The following SLC24A4 variants were observed in gnomAD, a reference collection of about 807,000 sequenced individuals.
SLC24A4 encodes the protein sodium/potassium/calcium exchanger 4.
A neutral mutation model predicts 79.0 loss-of-function variants in SLC24A4; 53 were observed. The observed-to-expected ratio is 0.67, with a 90% confidence interval of 0.54 to 0.84. The LOEUF (loss-of-function observed/expected upper bound fraction) is 0.84, where lower values mean the gene tolerates loss of function less well. Ranked by LOEUF, SLC24A4 falls within the 40% of genes least tolerant of loss-of-function variation. SLC24A4 has a pLI of 0.00. For synonymous variants in SLC24A4, 323 were observed against 323.8 expected, an observed-to-expected ratio of 1.00 and a Z score of 0.03; for missense variants, 731 against 822.0, an observed-to-expected ratio of 0.89 and a Z score of 1.35.
chr14:92,447,425 G>A lies in SLC24A4; in HGVS notation c.737+1G>A. ...ATGTGTTTTATATTCTGATCATGAAGTAAGTGCCCTTTCTCCTCCCCGGGG... is the reference window on the plus strand; with the variant it reads ...ATGTGTTTTATATTCTGATCATGAAATAAGTGCCCTTTCTCCTCCCCGGGG... On this transcript the variant is annotated splice_donor_variant, in intron 9 of 16. Coordinates refer to ENST00000532405, the MANE Select transcript of SLC24A4 (RefSeq NM_153646.4). LOFTEE classifies it high-confidence loss of function. 1 of 1,614,066 alleles carries A rather than the reference G, an allele frequency of 6.2e-7. No homozygotes were observed. Among genetic ancestry groups the A allele is most frequent in the Non-Finnish European group, 8.5e-7 (1 of 1,179,960 alleles).
intron 8 of SLC24A4, 84 bp downstream of exon 8, chr14:92,445,426 TA>T: frequency 7.1e-7 from 1 of 1,403,036 alleles, no homozygotes; most frequent in Non-Finnish European, 9.9e-7. Context: ...TGAATCGTTT[TA>T]AAAATTATTT....
intron 12 of SLC24A4, among the ~76,000 whole-genome samples, chr14:92,481,430 G>C (rs1895067472): frequency 6.6e-6 from 1 of 152,202 alleles, no homozygotes; most frequent in Non-Finnish European, 1.5e-5. Context: ...TTCACACTGG[G>C]TAAGCTCAGA....
chr14:92,471,104 T>C (rs914939474), intron 12 of SLC24A4, among the ~76,000 whole-genome samples: 13 of 152,254 alleles, frequency 8.5e-5, no homozygotes, highest in African/African-American at 3.1e-4. Flanking sequence ...TGACAGAGCC[T>C]TAAAGTCAAG....
chr14:92,434,106 A>T lies in SLC24A4; in HGVS notation c.318+118A>T. ...ATTCTTGTAACAGCCCAGTGAGGAG[A>T]GCGGAGACTGGGCATGTTTTACCCA... On this transcript the variant is annotated intron_variant, in intron 3 of 16. Transcript: ENST00000532405. The T allele has an allele frequency of 6.3e-6, 5 of 799,136 alleles. No homozygotes were observed. In the South Asian group the frequency reaches 7.1e-5, roughly 11 times the overall value. 49.5% of individuals were successfully genotyped at this position (799,136 alleles called of 1,614,324 possible). A position where few individuals can be genotyped will look rare whatever the true frequency, so the allele number is the denominator to read the frequency against.
At chr14:92,348,975 C>T (rs941943853) in intron 2 of SLC24A4, among the ~76,000 whole-genome samples, 1 of 151,990 alleles carries the variant, frequency 6.6e-6, no homozygotes, top group Non-Finnish European at 1.5e-5. Context: ...TCTGGAGTTA[C>T]CAGCTCGCAG....
chr14:92,403,748 C>T (rs1890232790), intron 2 of SLC24A4, among the ~76,000 whole-genome samples: 1 of 152,162 alleles, frequency 6.6e-6, no homozygotes, highest in Non-Finnish European at 1.5e-5. Context: ...GTAGGCATCT[C>T]TCATCTGTTT....
At chr14:92,426,765 G>C (rs559507794) in intron 2 of SLC24A4, among the ~76,000 whole-genome samples, 17 of 152,010 alleles carry the variant, frequency 1.1e-4, no homozygotes, top group Admixed American at 8.5e-4. Context: ...GGTGGGGCGG[G>C]GGGGAATGAC....
intron 10 of SLC24A4, 37 bp from the exon 11 acceptor site, chr14:92,453,863 G>A: frequency 6.4e-7 from 1 of 1,560,834 alleles, no homozygotes; most frequent in Non-Finnish European, 8.7e-7. Flanking sequence ...GTTGTCCTCA[G>A]AGAGATCAGC....
At chr14:92,415,536 C>T (rs1890933569) in intron 2 of SLC24A4, among the ~76,000 whole-genome samples, 1 of 152,202 alleles carries the variant, frequency 6.6e-6, no homozygotes, top group Non-Finnish European at 1.5e-5. Context: ...CAGCTCACTG[C>T]AACCTCTGCC....
intron 12 of SLC24A4, among the ~76,000 whole-genome samples, chr14:92,466,218 G>A (rs2139877459): frequency 6.6e-6 from 1 of 152,306 alleles, no homozygotes; most frequent in Non-Finnish European, 1.5e-5. Flanking sequence ...GACAATAGTA[G>A]CTACTCAGCA....
rs756705575 is a variant in SLC24A4, at chr14:92,486,737, A to G, written c.1494A>G (p.Thr498=). The G allele has an allele frequency of 4.3e-6, 7 of 1,614,154 alleles. No homozygotes were observed. The highest frequency in any genetic ancestry group is 3.3e-4 in the Middle Eastern group (2 of 6,062). The part of the protein sequence containing the change: ...IMGITFLAAG[T]SVPDCMASLI... ...GCATTACTTTCCTGGCAGCAGGGAC[A>G]AGTGTTCCAGACTGCATGGCCAGCC... is the stretch of plus-strand genomic sequence containing the variant. Residue 498 remains threonine (T), a synonymous_variant, in exon 14 of 17, where the codon ACA becomes ACG. Transcript: ENST00000532405.
chr14:92,458,358 G>A (rs1283499339), intron 12 of SLC24A4, among the ~76,000 whole-genome samples: 1 of 152,164 alleles, frequency 6.6e-6, no homozygotes, highest in Non-Finnish European at 1.5e-5. Context: ...AAGGCCGAGG[G>A]GATTGGTGTC....
chr14:92,330,700 G>C (rs1480206023), intron 2 of SLC24A4, among the ~76,000 whole-genome samples: 1 of 152,210 alleles, frequency 6.6e-6, no homozygotes, highest in African/African-American at 2.4e-5. Flanking sequence ...TTGGCTTGCA[G>C]ATGGCCACCT....
chr14:92,328,534 A>G (rs1885282357), intron 2 of SLC24A4, among the ~76,000 whole-genome samples: 1 of 152,252 alleles, frequency 6.6e-6, no homozygotes, highest in African/African-American at 2.4e-5. Flanking sequence ...GTTTAGCAGA[A>G]ATAGAAATTT....
chr14:92,351,750 G>A (rs369049633), intron 2 of SLC24A4, among the ~76,000 whole-genome samples: 3 of 152,126 alleles, frequency 2.0e-5, no homozygotes, highest in African/African-American at 7.2e-5. Context: ...TGTAATTCCA[G>A]CTACTCAGGA....
rs750676867 is a variant in SLC24A4 at position 92,492,207 on chromosome 14, C to T, written c.1683C>T (p.Ser561=). The T allele has an allele frequency of 2.5e-5, 41 of 1,614,010 alleles. No homozygotes were observed. Among genetic ancestry groups the T allele is most frequent in the Non-Finnish European group, 3.1e-5 (36 of 1,180,010 alleles). Residue 561 remains serine (S), a synonymous_variant, in exon 16 of 17, where the codon TCC becomes TCT. Transcript: ENST00000532405. ...TCAACAGCCGGGGGCTGGTCTATTC[C>T]GTGGTCCTGTTGCTGGGCTCTGTCG... The part of the protein sequence containing the change: ...VKINSRGLVY[S]VVLLLGSVAL...
chr14:92,426,913 G>A (rs942779586), intron 2 of SLC24A4, among the ~76,000 whole-genome samples: 3 of 152,146 alleles, frequency 2.0e-5, no homozygotes, highest in Non-Finnish European at 4.4e-5. Flanking sequence ...CAGAATAAAC[G>A]TCAAGGCTTA....
At chr14:92,328,201 A>T (rs114330510) in intron 2 of SLC24A4, among the ~76,000 whole-genome samples, 4 of 152,144 alleles carry the variant, frequency 2.6e-5, no homozygotes, top group African/African-American at 7.2e-5. Flanking sequence ...TCCCTGGCCT[A>T]TGAGAATCTC....
intron 2 of SLC24A4, among the ~76,000 whole-genome samples, chr14:92,360,643 C>T (rs1427808104): frequency 1.3e-5 from 2 of 152,132 alleles, no homozygotes; most frequent in East Asian, 1.9e-4. Flanking sequence ...TAGAATTGCC[C>T]GATCATACTG....
Sources: gnomAD v4.1 joint callset for allele counts (sites outside exome capture counted in the v4.1 genomes callset) on GRCh38, gnomAD v4.1.1 for gene constraint, MANE v1.5 for transcripts, NCBI Gene and HGNC (gene_info 2026-07-23, HGNC 2026-07-21) for gene names.